The following BRAF variants were observed in gnomAD, a reference collection of about 807,000 sequenced individuals.
The protein encoded by BRAF is B-Raf proto-oncogene, serine/threonine kinase.
BRAF carries 16 observed loss-of-function variants against 104.6 expected under a neutral mutation model. The observed-to-expected ratio is 0.15, with a 90% CI of 0.10 to 0.23. The LOEUF is 0.23. Ranked by LOEUF, BRAF falls within the 10% of genes least tolerant of loss-of-function variation. The probability of loss-of-function intolerance (pLI) is 1.00; values close to 1 mark genes in which losing one functional copy is unlikely to be tolerated. For synonymous variants in BRAF, 310 were observed against 341.6 expected (o/e 0.91, Z 1.02); for missense variants, 541 against 937.3 (o/e 0.58, Z 5.52).
chr7:140,833,131 G>A (rs763634122), intron 3 of BRAF, among the ~76,000 whole-genome samples: 3 of 152,002 alleles, frequency 2.0e-5, no homozygotes, highest in Non-Finnish European at 4.4e-5. Flanking sequence ...TGATCTGCCC[G>A]CCTCAGCCTT....
chr7:140,822,355 C>T (rs1586291097), intron 3 of BRAF: 1 of 152,142 alleles, frequency 6.6e-6, no homozygotes, highest in East Asian at 1.9e-4. Context: ...TACGTATATA[C>T]CCATGCAACC....
rs1355759301 is a variant in BRAF, at chr7:140,734,848, AAAG to A, written c.2248-81_2248-79del. 2.4e-4 allele frequency: 352 copies of A among 1,438,236 alleles called. 1 individual carries two copies. In the African/African-American group the frequency reaches 4.7e-3, roughly 19 times the overall value. The allele number at this position is 1,438,236 out of a possible 1,614,324, so 89.1% of individuals were successfully genotyped here. On this transcript the variant is annotated intron_variant, in intron 18 of 19. Transcript: ENST00000644969. ...AGAAAGAAAGAAAAAGAAAAAACAGAAAGAAGAATGAAAATCTGGGTGGTATAA... is the reference window on the plus strand; with the variant it reads ...AGAAAGAAAGAAAAAGAAAAAACAGAAAGAATGAAAATCTGGGTGGTATAA...
intron 1 of BRAF, among the ~76,000 whole-genome samples, chr7:140,913,593 T>C (rs1817259374): frequency 6.8e-6 from 1 of 147,988 alleles, no homozygotes; most frequent in Non-Finnish European, 1.5e-5. Context: ...AGCGATTCTC[T>C]TGCCTCAGCC....
intron 5 of BRAF, 63 bp downstream of exon 5, chr7:140,807,897 A>T (rs1586236878): frequency 7.4e-7 from 1 of 1,353,342 alleles, no homozygotes; most frequent in East Asian, 2.4e-5. Flanking sequence ...TCCCTAAATA[A>T]AAATTCATTC....
intron 1 of BRAF, among the ~76,000 whole-genome samples, chr7:140,906,949 G>A (rs1816393148): frequency 6.6e-6 from 1 of 151,920 alleles, no homozygotes. Flanking sequence ...TCAATCAACT[G>A]GTTTCTCATT....
intron 1 of BRAF, among the ~76,000 whole-genome samples, chr7:140,864,103 G>A (rs1810690802): frequency 6.6e-6 from 1 of 152,168 alleles, no homozygotes; most frequent in African/African-American, 2.4e-5. Context: ...ATGGATTACG[G>A]TGCGCCAAGA....
chr7:140,849,365 T>G (rs1026284254), intron 2 of BRAF, among the ~76,000 whole-genome samples: 4 of 152,138 alleles, frequency 2.6e-5, no homozygotes, highest in African/African-American at 9.7e-5. Context: ...TAAACAATGT[T>G]GAGCTATTTA....
At chr7:140,783,413 G>T in intron 10 of BRAF, 1 of 351,012 alleles carries the variant, frequency 2.8e-6, no homozygotes. Flanking sequence ...ATTTACTGGT[G>T]CAAAATCTAG....
At chr7:140,897,482 A>G (rs996898864) in intron 1 of BRAF, among the ~76,000 whole-genome samples, 1 of 144,976 alleles carries the variant, frequency 6.9e-6, no homozygotes, top group African/African-American at 2.6e-5. Flanking sequence ...GATAGGAAAG[A>G]TTTCTTTTTT....
chr7:140,818,029 A>C (rs1010092928), intron 3 of BRAF, among the ~76,000 whole-genome samples: 1 of 148,818 alleles, frequency 6.7e-6, no homozygotes, highest in Admixed American at 6.6e-5. Flanking sequence ...TCACCTTACA[A>C]ATTAAAAAAA....
intron 8 of BRAF, among the ~76,000 whole-genome samples, 179 bp from the exon 9 acceptor site, chr7:140,787,763 T>A (rs2129031765): frequency 6.6e-6 from 1 of 152,336 alleles, no homozygotes; most frequent in East Asian, 1.9e-4. Flanking sequence ...ATCTAAATTT[T>A]GAAGCACTTG....
downstream of BRAF, among the ~76,000 whole-genome samples, chr7:140,717,502 C>T (rs1441952825): frequency 2.0e-5 from 3 of 152,146 alleles, no homozygotes; most frequent in African/African-American, 7.2e-5. Context: ...CCCACTTTAG[C>T]CTCCCAAAGT....
In BRAF at chr7:140,801,522, A is replaced by G. The variant is rs754568893; in HGVS notation, c.750T>C (p.Phe250=). The G allele has an allele frequency of 1.9e-6, 3 of 1,613,824 alleles. No homozygotes were observed. Among genetic ancestry groups the G allele is most frequent in the Admixed American group, 3.3e-5 (2 of 60,006 alleles). ...AACCCTGGAAAAGCAGCTTTCGACA[A>G]AAGTCACAAAATGCTAAGGTGAAAA... ...KTFFTLAFCD[F]CRKLLFQGFR... The change falls in exon 6 of 20, where the codon TTT becomes TTC. Residue 250 remains phenylalanine, a synonymous_variant. Transcript: ENST00000644969.
At chr7:140,876,447 A>G (rs1409261092) in intron 1 of BRAF, among the ~76,000 whole-genome samples, 1 of 152,212 alleles carries the variant, frequency 6.6e-6, no homozygotes, top group East Asian at 1.9e-4. Context: ...AAATTACTAA[A>G]CTGGTAAACC....
rs1459288813 is a variant in BRAF at position 140,749,268 on chromosome 7, A to G, written c.2112+19T>C. 1.9e-6 allele frequency: 3 copies of G among 1,610,494 alleles called. No homozygotes were observed. Among genetic ancestry groups the G allele is most frequent in the African/African-American group, 1.3e-5 (1 of 74,920 alleles). The stretch of plus-strand genomic sequence containing the variant: ...TATATAGACGGTAAAATAAACACCA[A>G]GACGTGGTAAATATTTACCTGGTCC... On this transcript the variant is annotated intron_variant, in intron 17 of 19. Transcript: ENST00000644969.
chr7:140,899,018 A>G, intron 1 of BRAF, among the ~76,000 whole-genome samples: 1 of 152,212 alleles, frequency 6.6e-6, no homozygotes, highest in South Asian at 2.1e-4. Flanking sequence ...TAAACACACA[A>G]TGATATCTAC....
chr7:140,871,567 T>A (rs1445844985), intron 1 of BRAF, among the ~76,000 whole-genome samples: 1 of 152,146 alleles, frequency 6.6e-6, no homozygotes, highest in Non-Finnish European at 1.5e-5. Context: ...TAACTTCCAA[T>A]ATTTTTAACC....
rs1807125454 is a variant in BRAF at position 140,834,682 on chromosome 7, A to C, written c.431T>G (p.Val144Gly). Residue 144 changes from valine (V) to glycine (G), a missense_variant, in exon 3 of 20, where the codon GTG becomes GGG. Transcript: ENST00000644969. ...SLSVFQNPTD[V>G]ARSNPKSPQK... ...TGGTGACTTGGGGTTGCTCCGTGCC[A>C]CATCTGTGGGATTTTGAAAAACTGA... 6.2e-7 allele frequency: 1 copy of C among 1,614,036 alleles called. No individual in the cohort carries two copies. Among genetic ancestry groups the C allele is most frequent in the South Asian group, 1.1e-5 (1 of 91,086 alleles).
intron 1 of BRAF, among the ~76,000 whole-genome samples, chr7:140,859,608 A>G (rs902003240): frequency 1.3e-5 from 2 of 152,174 alleles, no homozygotes; most frequent in Non-Finnish European, 2.9e-5. Context: ...ATTTTCCACA[A>G]ATAAATTCAG....
Sources: allele counts gnomAD v4.1 joint callset (sites outside exome capture counted in the v4.1 genomes callset), GRCh38; gene constraint gnomAD v4.1.1; transcripts MANE v1.5; gene names NCBI Gene and HGNC (gene_info 2026-07-23, HGNC 2026-07-21).